PRNP: variants seen among roughly 807,000 people sequenced by gnomAD.
The protein encoded by PRNP is major prion protein.
In PRNP, 15 loss-of-function variants were observed where a neutral mutation model predicts 21.3. The ratio of observed to expected loss-of-function variants is 0.71; its 90% CI spans 0.47 to 1.09. PRNP has a LOEUF of 1.09. Among genes scored for constraint, PRNP ranks in the 50% least tolerant of loss-of-function variants. PRNP has a pLI of 0.00. For missense variants in PRNP, 285 were observed against 340.9 expected (o/e 0.84, Z 1.29); for synonymous variants, 121 against 123.1 (o/e 0.98, Z 0.11).
intron 1 of PRNP, among the ~76,000 whole-genome samples, chr20:4,692,431 A>G (rs527559863): frequency 6.6e-6 from 1 of 152,224 alleles, no homozygotes; most frequent in Non-Finnish European, 1.5e-5. Context: ...AGGTAAAAAA[A>G]TTATACCTAG....
At position 4,699,268 on chromosome 20, in the gene PRNP, G is replaced by A; in HGVS notation, c.48G>A (p.Trp16Ter). 6.2e-7 allele frequency: 1 copy of A among 1,614,084 alleles called. No homozygotes were observed. The highest frequency in any genetic ancestry group is 8.5e-7 in the Non-Finnish European group (1 of 1,180,044). The stretch of plus-strand genomic sequence containing the variant: ...TGCTGGTTCTCTTTGTGGCCACATG[G>A]AGTGACCTGGGCCTCTGCAAGAAGC... ...CWMLVLFVATWSDLGLCKKRP... is the reference protein window; with the variant it reads ...CWMLVLFVAT The change falls in exon 2 of 2, where the codon TGG becomes TGA. Residue 16 changes from tryptophan (W) to a stop codon, truncating the protein, a stop_gained. Coordinates refer to ENST00000379440, the MANE Select transcript of PRNP (RefSeq NM_000311.5). LOFTEE classifies it high-confidence loss of function. This position sits in a 1 kb window ranked among gnomAD's most constrained non-coding sequence, Gnocchi z 5.8.
chr20:4,690,971 C>G (rs1483235258), intron 1 of PRNP, among the ~76,000 whole-genome samples: 7 of 152,146 alleles, frequency 4.6e-5, no homozygotes, highest in Non-Finnish European at 1.0e-4. Flanking sequence ...AGTAAAGTTG[C>G]AGGATACAAA....
In PRNP at chr20:4,699,096, C is replaced by T; in HGVS notation, c.-10-115C>T. 1 of 1,279,880 alleles carries T rather than the reference C, an allele frequency of 7.8e-7. No individual in the cohort carries two copies. Among genetic ancestry groups the T allele is most frequent in the Non-Finnish European group, 1.1e-6 (1 of 888,864 alleles). 79.3% of individuals were successfully genotyped at this position (1,279,880 alleles called of 1,614,324 possible). The stretch of plus-strand genomic sequence containing the variant: ...GCTTCAGAGAAGTACAGGGTGGCAA[C>T]AGTGTTTCTACTGAGCAGCTGATAC... On this transcript the variant is annotated intron_variant, in intron 1 of 1. Transcript: ENST00000379440. The surrounding 1 kb of genome is among the most constrained non-coding windows in gnomAD (Gnocchi z 5.8).
intron 1 of PRNP, among the ~76,000 whole-genome samples, chr20:4,694,861 C>A (rs191340595): frequency 5.9e-4 from 89 of 151,992 alleles, no homozygotes; most frequent in African/African-American, 1.9e-3. Flanking sequence ...AGTGTTATAT[C>A]ATTTTTTTTC....
At chr20:4,694,493 A>G (rs1363045871) in intron 1 of PRNP, among the ~76,000 whole-genome samples, 1 of 152,210 alleles carries the variant, frequency 6.6e-6, no homozygotes, top group Non-Finnish European at 1.5e-5. Context: ...GGAAAGTTGC[A>G]TAAAGTAATT....
At position 4,699,861 on chromosome 20, in the gene PRNP, G is replaced by T; in HGVS notation, c.641G>T (p.Cys214Phe). ...ATGGAGCGCGTGGTTGAGCAGATGTGTATCACCCAGTACGAGAGGGAATCT... is the reference window on the plus strand; with the variant it reads ...ATGGAGCGCGTGGTTGAGCAGATGTTTATCACCCAGTACGAGAGGGAATCT... ...KMMERVVEQM[C>F]ITQYERESQA... The change falls in exon 2 of 2, where the codon TGT becomes TTT. Residue 214 changes from cysteine to phenylalanine, a missense_variant. Physicochemically the swap from Cys to Phe is radical, Grantham distance 205 (BLOSUM62 -2). Coordinates refer to ENST00000379440, the MANE Select transcript of PRNP (RefSeq NM_000311.5). This position sits in a 1 kb window ranked among gnomAD's most constrained non-coding sequence, Gnocchi z 5.8. The T allele has an allele frequency of 1.2e-6, 2 of 1,613,714 alleles. No homozygotes were observed. Among genetic ancestry groups the T allele is most frequent in the Non-Finnish European group, 1.7e-6 (2 of 1,179,964 alleles).
At chr20:4,689,084 G>A (rs1921661378) in intron 1 of PRNP, among the ~76,000 whole-genome samples, 1 of 152,066 alleles carries the variant, frequency 6.6e-6, no homozygotes, top group Non-Finnish European at 1.5e-5. Flanking sequence ...GTTTTTTTAA[G>A]AATCAGTTCT....
At position 4,699,827 on chromosome 20, in the gene PRNP, G is replaced by A. The variant is rs776593792; in HGVS notation, c.607G>A (p.Val203Ile). The A allele has an allele frequency of 7.4e-6, 12 of 1,613,778 alleles. No homozygotes were observed. Among genetic ancestry groups the A allele is most frequent in the African/African-American group, 5.3e-5 (4 of 74,826 alleles). Residue 203 changes from valine to isoleucine, a missense_variant, in exon 2 of 2, where the codon GTT becomes ATT. Transcript: ENST00000379440. The surrounding 1 kb of genome is among the most constrained non-coding windows in gnomAD (Gnocchi z 5.8). Reference sequence around the variant, plus strand: ...GGGGGAGAACTTCACCGAGACCGACGTTAAGATGATGGAGCGCGTGGTTGA... The same window carrying A: ...GGGGGAGAACTTCACCGAGACCGACATTAAGATGATGGAGCGCGTGGTTGA... Reference protein sequence around the residue: ...TKGENFTETDVKMMERVVEQM... With the variant: ...TKGENFTETDIKMMERVVEQM...
chr20:4,687,032 C>T (rs1921490703), intron 1 of PRNP, among the ~76,000 whole-genome samples: 1 of 151,960 alleles, frequency 6.6e-6, no homozygotes, highest in Non-Finnish European at 1.5e-5. Context: ...GGCGCTTCCG[C>T]GATGCCCAGA....
At chr20:4,687,380 T>A (rs1041711265) in intron 1 of PRNP, among the ~76,000 whole-genome samples, 1 of 152,068 alleles carries the variant, frequency 6.6e-6, no homozygotes, top group African/African-American at 2.4e-5. Flanking sequence ...CCAGTCACAT[T>A]CCTCCCAGTC....
At position 4,701,081 on chromosome 20, in the gene PRNP, ATATCT is replaced by A. The variant is rs1180711256; in HGVS notation, c.*1102_*1106del. On this transcript the variant is annotated 3_prime_UTR_variant, in exon 2 of 2. Transcript: ENST00000379440. The surrounding 1 kb of genome is among the most constrained non-coding windows in gnomAD (Gnocchi z 4.2). ...AAAGAATAGGGAGACAATCTAAAAA[ATATCT>A]TAGGTTGGAGATGACAGAAATATGA... The A allele has an allele frequency of 3.0e-5, 5 of 166,308 alleles. No homozygotes were observed. Among genetic ancestry groups the A allele is most frequent in the Admixed American group, 6.5e-5 (1 of 15,294 alleles). The allele number at this position is 166,308 out of a possible 1,614,324, so 10.3% of individuals were successfully genotyped here. A position where few individuals can be genotyped will look rare whatever the true frequency, so the allele number is the denominator to read the frequency against.
chr20:4,697,553 C>G lies in PRNP; in HGVS notation c.-10-1658C>G, dbSNP rs1384334222. ...AGCTGGAAGAAAAGCCTTCTAGGAC[C>G]AGGGAACAGCAAGTGCAACAGCCCT... On this transcript the variant is annotated intron_variant, in intron 1 of 1. Coordinates refer to ENST00000379440, the MANE Select transcript of PRNP (RefSeq NM_000311.5). The surrounding 1 kb of genome is among the most constrained non-coding windows in gnomAD (Gnocchi z 4.6). 1.3e-5 allele frequency among the ~76,000 whole-genome samples: 2 copies of G among 152,140 alleles called. No homozygotes were observed. Among genetic ancestry groups the G allele is most frequent in the African/African-American group, 4.8e-5 (2 of 41,428 alleles).
At chr20:4,687,307 C>T (rs568511970) in intron 1 of PRNP, among the ~76,000 whole-genome samples, 95 of 152,210 alleles carry the variant, frequency 6.2e-4, no homozygotes, top group African/African-American at 2.0e-3. Context: ...TCTCCAGGGG[C>T]GGGGAGAGAG....
intron 1 of PRNP, among the ~76,000 whole-genome samples, chr20:4,689,123 G>T (rs972086364): frequency 3.3e-5 from 5 of 151,910 alleles, no homozygotes; most frequent in Non-Finnish European, 5.9e-5. Flanking sequence ...CTAGTTTTTT[G>T]TTGTTGTTTT....
At position 4,699,856 on chromosome 20, in the gene PRNP, G is replaced by A. The variant is rs757784308; in HGVS notation, c.636G>A (p.Gln212=). 2.5e-5 allele frequency: 40 copies of A among 1,613,852 alleles called. No individual in the cohort carries two copies. Among genetic ancestry groups the A allele is most frequent in the Middle Eastern group, 1.6e-4 (1 of 6,062 alleles). The stretch of plus-strand genomic sequence containing the variant: ...AGATGATGGAGCGCGTGGTTGAGCA[G>A]ATGTGTATCACCCAGTACGAGAGGG... The part of the protein sequence containing the change: ...DVKMMERVVE[Q]MCITQYERES... The change falls in exon 2 of 2, where the codon CAG becomes CAA. Residue 212 remains glutamine (Q), a synonymous_variant. Transcript: ENST00000379440. This position sits in a 1 kb window ranked among gnomAD's most constrained non-coding sequence, Gnocchi z 5.8.
chr20:4,698,873 G>C (rs11087653), intron 1 of PRNP, among the ~76,000 whole-genome samples: 1 of 152,130 alleles, frequency 6.6e-6, no homozygotes, highest in South Asian at 2.1e-4. Context: ...TTCTCCAAAG[G>C]GTCATAAATT....
At chr20:4,690,924 A>C (rs1431961773) in intron 1 of PRNP, among the ~76,000 whole-genome samples, 2 of 152,208 alleles carry the variant, frequency 1.3e-5, no homozygotes, top group Non-Finnish European at 2.9e-5. Flanking sequence ...TAAAACCCTA[A>C]AGACTCCACC....
chr20:4,688,889 C>T (rs1205513658), intron 1 of PRNP, among the ~76,000 whole-genome samples: 4 of 152,180 alleles, frequency 2.6e-5, no homozygotes, highest in South Asian at 4.2e-4. Context: ...TCACTAAGGG[C>T]GTTTAAAAAA....
chr20:4,697,650 A>G lies in PRNP; in HGVS notation c.-10-1561A>G, dbSNP rs114297785. 8.9e-3 allele frequency among the ~76,000 whole-genome samples: 1,363 copies of G among 152,306 alleles called. 15 individuals are homozygous for G. Among genetic ancestry groups the G allele is most frequent in the African/African-American group, 0.031 (1,279 of 41,566 alleles). ...CCAGGTTACATGGGGCCCAGCCAGT[A>G]TGGCCACGACTTTGTGTTTTATCCA... On this transcript the variant is annotated intron_variant, in intron 1 of 1. Transcript: ENST00000379440. The surrounding 1 kb of genome is among the most constrained non-coding windows in gnomAD (Gnocchi z 4.6).
Sources: gnomAD v4.1 joint callset for allele counts (sites outside exome capture counted in the v4.1 genomes callset) on GRCh38, gnomAD v4.1.1 for gene constraint, Gnocchi (gnomAD v3.1) non-coding constraint, MANE v1.5 for transcripts, NCBI Gene and HGNC (gene_info 2026-07-23, HGNC 2026-07-21) for gene names.